Variants in CRPPA observed in about 807,000 individuals in gnomAD.
The protein encoded by CRPPA is D-ribitol-5-phosphate cytidylyltransferase.
CRPPA carries 43 observed loss-of-function variants against 52.0 expected under a neutral mutation model. The observed-to-expected ratio is 0.83, with a 90% CI of 0.65 to 1.07. The LOEUF (loss-of-function observed/expected upper bound fraction) is 1.07. CRPPA is among the 50% of genes least tolerant of loss of function. The probability of loss-of-function intolerance (pLI) is 0.00; values close to 1 mark genes in which losing one functional copy is unlikely to be tolerated. For missense variants in CRPPA, 629 were observed against 551.7 expected, an observed-to-expected ratio of 1.14 and a Z score of -1.40; for synonymous variants, 250 against 203.5, an observed-to-expected ratio of 1.23 and a Z score of -1.94.
chr7:16,129,316 C>G (rs1319565348), intron 9 of CRPPA, among the ~76,000 whole-genome samples: 1 of 152,046 alleles, frequency 6.6e-6, no homozygotes, highest in African/African-American at 2.4e-5. Context: ...TCTTTCATCT[C>G]CTGCCTAGGT....
rs542723518 is a variant in CRPPA, at chr7:16,224,380, G to A, written c.1120-8183C>T. The stretch of plus-strand genomic sequence containing the variant: ...TTAAAACCCCACATTTAACACTTTC[G>A]TCTCATTGCAGAGTCTATGTTCACA... On this transcript the variant is annotated intron_variant, in intron 8 of 9. Coordinates refer to ENST00000407010, the MANE Select transcript of CRPPA (RefSeq NM_001101426.4). Among the ~76,000 whole-genome samples the A allele has an allele frequency of 2.1e-4, 32 of 152,152 alleles. 1 individual carries two copies. Among genetic ancestry groups the A allele is most frequent in the Non-Finnish European group, 4.3e-4 (29 of 67,994 alleles).
chr7:16,207,853 A>G (rs761823957), intron 9 of CRPPA, among the ~76,000 whole-genome samples: 1 of 152,242 alleles, frequency 6.6e-6, no homozygotes, highest in Admixed American at 6.5e-5. Context: ...AATCAGATCA[A>G]TATCAATGAA....
intron 5 of CRPPA, among the ~76,000 whole-genome samples, chr7:16,294,717 T>A (rs1294362568): frequency 6.6e-6 from 1 of 152,038 alleles, no homozygotes; most frequent in Admixed American, 6.6e-5. Flanking sequence ...TTGGGGTTAC[T>A]ATATACATAA....
intron 3 of CRPPA, among the ~76,000 whole-genome samples, chr7:16,309,747 C>G (rs1471877470): frequency 6.6e-6 from 1 of 151,994 alleles, no homozygotes; most frequent in African/African-American, 2.4e-5. Flanking sequence ...GCATCAAGCA[C>G]CCCTTGCCAA....
chr7:16,140,238 C>G (rs1044387454), intron 9 of CRPPA, among the ~76,000 whole-genome samples: 2 of 152,078 alleles, frequency 1.3e-5, no homozygotes, highest in Admixed American at 1.3e-4. Context: ...ATGTCCACCT[C>G]CGGGGATCAA....
intron 9 of CRPPA, among the ~76,000 whole-genome samples, chr7:16,128,398 T>C (rs748564828): frequency 1.3e-5 from 2 of 152,170 alleles, no homozygotes; most frequent in African/African-American, 4.8e-5. Context: ...TTTTTTCTTC[T>C]TTTTTCAAAG....
chr7:16,218,091 T>C (rs1044492169), intron 8 of CRPPA, among the ~76,000 whole-genome samples: 6 of 151,920 alleles, frequency 3.9e-5, no homozygotes, highest in African/African-American at 1.2e-4. Flanking sequence ...ACAGCAGATC[T>C]CTCCGCAGAA....
chr7:16,175,029 T>C (rs1781266877), intron 9 of CRPPA, among the ~76,000 whole-genome samples: 1 of 152,276 alleles, frequency 6.6e-6, no homozygotes. Flanking sequence ...ATCTGGAAAT[T>C]CGTCATAGTT....
intron 1 of CRPPA, among the ~76,000 whole-genome samples, chr7:16,409,978 A>AT: frequency 6.6e-6 from 1 of 152,370 alleles, no homozygotes; most frequent in Non-Finnish European, 1.5e-5. Context: ...TGGGGGCAGT[A>AT]TAACATCTTA....
chr7:16,324,543 G>C (rs1290499250), intron 3 of CRPPA, among the ~76,000 whole-genome samples: 2 of 152,196 alleles, frequency 1.3e-5, no homozygotes, highest in African/African-American at 4.8e-5. Flanking sequence ...CTTTGATGCA[G>C]TTAGACCTCA....
At chr7:16,354,804 A>C (rs978396717) in intron 3 of CRPPA, among the ~76,000 whole-genome samples, 1 of 152,204 alleles carries the variant, frequency 6.6e-6, no homozygotes, top group African/African-American at 2.4e-5. Context: ...TCAGAAAATA[A>C]TAGAGTTAGT....
At chr7:16,228,529 A>C (rs2128402194) in intron 8 of CRPPA, among the ~76,000 whole-genome samples, 1 of 151,950 alleles carries the variant, frequency 6.6e-6, no homozygotes, top group East Asian at 1.9e-4. Flanking sequence ...GGAATTTTTT[A>C]ATTATAACTT....
At chr7:16,260,657 T>C (rs1783770300) in intron 6 of CRPPA, among the ~76,000 whole-genome samples, 1 of 151,800 alleles carries the variant, frequency 6.6e-6, no homozygotes, top group Admixed American at 6.6e-5. Context: ...TTCACAGATA[T>C]GAAATAAGGC....
intron 3 of CRPPA, among the ~76,000 whole-genome samples, chr7:16,342,798 T>TATATATAGATATATAGATATATAGATATA (rs1491461185): frequency 6.9e-5 from 7 of 101,230 alleles, no homozygotes; most frequent in Non-Finnish European, 1.3e-4. Flanking sequence ...TATATATATA[T>TATATATAGATATATAGATATATAGATATA]CTATATAGAT....
At chr7:16,382,668 T>C (rs953051317) in intron 2 of CRPPA, among the ~76,000 whole-genome samples, 8 of 152,078 alleles carry the variant, frequency 5.3e-5, no homozygotes, top group African/African-American at 1.9e-4. Flanking sequence ...TAGTCCCATA[T>C]TTCTTGGAGG....
chr7:16,254,987 G>A (rs1783595435), intron 8 of CRPPA, among the ~76,000 whole-genome samples: 1 of 152,146 alleles, frequency 6.6e-6, no homozygotes, highest in Non-Finnish European at 1.5e-5. Context: ...ATTAGGAAAA[G>A]AGGAAGTCAA....
At chr7:16,099,491 GA>G (rs1322235826) in intron 9 of CRPPA, among the ~76,000 whole-genome samples, 1 of 150,260 alleles carries the variant, frequency 6.7e-6, no homozygotes, top group Non-Finnish European at 1.5e-5. Context: ...AGAGGGAAGG[GA>G]AGGGAAGGGA....
intron 2 of CRPPA, among the ~76,000 whole-genome samples, chr7:16,385,036 T>G (rs1176523190): frequency 6.6e-6 from 1 of 152,096 alleles, no homozygotes; most frequent in Admixed American, 6.6e-5. Flanking sequence ...ATAATGAACA[T>G]TTATAAAGGA....
intron 9 of CRPPA, among the ~76,000 whole-genome samples, chr7:16,135,427 T>C (rs1282504612): frequency 1.3e-5 from 2 of 152,190 alleles, no homozygotes; most frequent in Non-Finnish European, 2.9e-5. Flanking sequence ...CTTCAACTTA[T>C]TTGGAATTTT....
Sources: gnomAD v4.1 joint callset for allele counts (sites outside exome capture counted in the v4.1 genomes callset) on GRCh38, gnomAD v4.1.1 for gene constraint, MANE v1.5 for transcripts, NCBI Gene and HGNC (gene_info 2026-07-23, HGNC 2026-07-21) for gene names.